Variants in LUZP2 observed in about 807,000 individuals in gnomAD.
LUZP2 encodes leucine zipper protein 2.
LUZP2 carries 52 observed loss-of-function variants against 51.6 expected under a neutral mutation model. The ratio of observed to expected loss-of-function variants is 1.01; its 90% confidence interval spans 0.81 to 1.27. The LOEUF is 1.27. Among genes scored for constraint, LUZP2 ranks in the 50% most tolerant of loss-of-function variants. The pLI is 0.00. For missense variants in LUZP2, 436 were observed against 395.4 expected (o/e 1.10, Z -0.87); for synonymous variants, 154 against 137.3 (o/e 1.12, Z -0.85).
intron 5 of LUZP2, among the ~76,000 whole-genome samples, chr11:24,865,710 G>GTATATA (rs373154788): frequency 3.0e-5 from 2 of 65,860 alleles, no homozygotes; most frequent in Non-Finnish European, 3.8e-5. Context: ...ATATGTTTGT[G>GTATATA]TATATATATA....
chr11:24,775,483 C>A (rs371406032), intron 5 of LUZP2, among the ~76,000 whole-genome samples: 3 of 152,302 alleles, frequency 2.0e-5, no homozygotes, highest in Middle Eastern at 3.4e-3. Context: ...CTGAAAAGTT[C>A]TCTTAGCTGA....
intron 9 of LUZP2, among the ~76,000 whole-genome samples, chr11:25,007,961 A>G (rs1364065366): frequency 6.6e-6 from 1 of 152,228 alleles, no homozygotes; most frequent in Non-Finnish European, 1.5e-5. Context: ...TTCCTTTTGA[A>G]TATCCATTGA....
At chr11:24,596,132 A>T (rs1159950385) in intron 1 of LUZP2, among the ~76,000 whole-genome samples, 3 of 152,176 alleles carry the variant, frequency 2.0e-5, no homozygotes, top group Non-Finnish European at 4.4e-5. Context: ...GCAGCTTCAA[A>T]TGTTACAACA....
intron 10 of LUZP2, among the ~76,000 whole-genome samples, chr11:25,069,738 C>A (rs978492660): frequency 3.3e-5 from 5 of 151,884 alleles, no homozygotes; most frequent in African/African-American, 9.6e-5. Flanking sequence ...ATATAGCTGG[C>A]AAACAATTAT....
chr11:24,644,597 G>A (rs1042524182), intron 1 of LUZP2, among the ~76,000 whole-genome samples: 80 of 151,034 alleles, frequency 5.3e-4, no homozygotes, highest in Non-Finnish European at 7.2e-4. Flanking sequence ...TACCTTCCAT[G>A]TAGATCACAA....
At chr11:24,768,729 G>T (rs75017812) in intron 5 of LUZP2, among the ~76,000 whole-genome samples, 12,213 of 151,452 alleles carry the variant, frequency 0.081, 1,060 homozygotes, top group African/African-American at 0.22. Context: ...AGTTAAAATG[G>T]CTGGTATCAA....
intron 1 of LUZP2, among the ~76,000 whole-genome samples, chr11:24,622,223 C>A (rs1590254870): frequency 6.9e-6 from 1 of 145,902 alleles, no homozygotes; most frequent in African/African-American, 2.5e-5. Context: ...TGGTGTGCTG[C>A]ACCCATTAAC....
chr11:24,713,956 A>G (rs1039930427), intron 1 of LUZP2, among the ~76,000 whole-genome samples: 9 of 145,654 alleles, frequency 6.2e-5, no homozygotes, highest in Admixed American at 2.8e-4. Context: ...TCAGCCTCCC[A>G]AAGTGCTGGG....
intron 5 of LUZP2, among the ~76,000 whole-genome samples, chr11:24,816,006 T>TA (rs137926397): frequency 9.3e-5 from 13 of 139,108 alleles, no homozygotes; most frequent in African/African-American, 3.3e-4. Flanking sequence ...CTTTTTTTTT[T>TA]AAAAAAAAAA....
At chr11:24,807,348 G>C (rs984712499) in intron 5 of LUZP2, among the ~76,000 whole-genome samples, 2 of 151,900 alleles carry the variant, frequency 1.3e-5, no homozygotes, top group Non-Finnish European at 2.9e-5. Flanking sequence ...TGTAATCGCA[G>C]CTACTTGGGA....
intron 10 of LUZP2, among the ~76,000 whole-genome samples, chr11:25,067,961 T>C (rs1450698541): frequency 6.6e-6 from 1 of 152,066 alleles, no homozygotes; most frequent in East Asian, 1.9e-4. Context: ...GTGGCACATA[T>C]GCACCATGGA....
chr11:25,028,076 G>T (rs1857547672), intron 9 of LUZP2, among the ~76,000 whole-genome samples: 2 of 151,878 alleles, frequency 1.3e-5, no homozygotes, highest in Admixed American at 1.3e-4. Flanking sequence ...TTTTTAATTT[G>T]GGGGTACTAG....
At chr11:24,623,107 A>G (rs536063794) in intron 1 of LUZP2, among the ~76,000 whole-genome samples, 102 of 152,202 alleles carry the variant, frequency 6.7e-4, no homozygotes, top group African/African-American at 2.4e-3. Flanking sequence ...ACACACACAC[A>G]CATACACACA....
intron 7 of LUZP2, among the ~76,000 whole-genome samples, chr11:24,970,320 A>G (rs1315174642): frequency 6.6e-6 from 1 of 152,148 alleles, no homozygotes; most frequent in Non-Finnish European, 1.5e-5. Context: ...TTTTTTCCAT[A>G]AACCTGATAT....
At chr11:25,024,749 C>A (rs1209434510) in intron 9 of LUZP2, among the ~76,000 whole-genome samples, 2 of 150,818 alleles carry the variant, frequency 1.3e-5, no homozygotes, top group African/African-American at 4.9e-5. Flanking sequence ...CAATGCCATC[C>A]CCGTCAAGCT....
chr11:25,018,610 T>C (rs980387690), intron 9 of LUZP2, among the ~76,000 whole-genome samples: 1 of 82,634 alleles, frequency 1.2e-5, no homozygotes, highest in African/African-American at 7.8e-5. Context: ...TTCCTTTTTT[T>C]TTTTTTTTTT....
intron 1 of LUZP2, among the ~76,000 whole-genome samples, chr11:24,602,174 ATATG>A (rs1315500126): frequency 6.1e-5 from 8 of 132,046 alleles, no homozygotes; most frequent in African/African-American, 2.2e-4. Context: ...ATGTGTATAT[ATATG>A]TGTATATATG....
intron 5 of LUZP2, among the ~76,000 whole-genome samples, chr11:24,849,304 C>A (rs895748794): frequency 6.6e-6 from 1 of 152,048 alleles, no homozygotes; most frequent in Admixed American, 6.6e-5. Context: ...CAACAGGCCC[C>A]GGTGTGTGAT....
intron 7 of LUZP2, among the ~76,000 whole-genome samples, chr11:24,964,131 T>G (rs183887782): frequency 1.3e-5 from 2 of 152,330 alleles, no homozygotes; most frequent in East Asian, 3.9e-4. Context: ...ACCAACAGTG[T>G]GCCAGGATTC....
Sources: gnomAD v4.1 joint callset for allele counts (sites outside exome capture counted in the v4.1 genomes callset) on GRCh38, gnomAD v4.1.1 for gene constraint, MANE v1.5 for transcripts, NCBI Gene and HGNC (gene_info 2026-07-23, HGNC 2026-07-21) for gene names.